The following WWOX variants were observed in gnomAD, a reference collection of about 807,000 sequenced individuals.
WWOX encodes WW domain-containing oxidoreductase.
Under a neutral mutation model 46.2 loss-of-function variants are expected in WWOX, and 69 were observed. That is an observed-to-expected ratio of 1.49 (90% CI 1.23 to 1.82). WWOX has a LOEUF of 1.82. Ranked by LOEUF, WWOX falls within the 40% of genes most tolerant of loss-of-function variation. The pLI, the probability that WWOX is intolerant of heterozygous loss-of-function variation, is 0.00. For synonymous variants in WWOX, 359 were observed against 202.6 expected, an observed-to-expected ratio of 1.77 and a Z score of -6.56; for missense variants, 919 against 542.6, an observed-to-expected ratio of 1.69 and a Z score of -6.89.
chr16:78,278,999 T>A (rs1338338794), intron 5 of WWOX, among the ~76,000 whole-genome samples: 1 of 152,208 alleles, frequency 6.6e-6, no homozygotes, highest in East Asian at 1.9e-4. Flanking sequence ...TGAGGGATGC[T>A]AGCTCGTTAC....
intron 8 of WWOX, among the ~76,000 whole-genome samples, chr16:78,903,869 A>G (rs1412115341): frequency 6.6e-6 from 1 of 152,222 alleles, no homozygotes; most frequent in African/African-American, 2.4e-5. Context: ...ACTCTGTGGC[A>G]GGGGACTGTT....
chr16:78,241,285 TG>T (rs2037637579), intron 5 of WWOX: 1 of 124,334 alleles, frequency 8.0e-6, no homozygotes, highest in African/African-American at 3.8e-5. Flanking sequence ...TTATCATTTG[TG>T]TTTTTTTTTC....
chr16:78,401,356 C>G (rs2082408652), intron 6 of WWOX, among the ~76,000 whole-genome samples: 1 of 152,098 alleles, frequency 6.6e-6, no homozygotes, highest in African/African-American at 2.4e-5. Flanking sequence ...AGCTAAAATT[C>G]AGATATTGAG....
At chr16:78,419,504 A>G (rs2151955357) in intron 6 of WWOX, among the ~76,000 whole-genome samples, 1 of 152,160 alleles carries the variant, frequency 6.6e-6, no homozygotes, top group Admixed American at 6.5e-5. Flanking sequence ...ATTGATTTTC[A>G]GCAAGGATGC....
chr16:78,391,861 C>G (rs1325441159), intron 6 of WWOX, among the ~76,000 whole-genome samples: 1 of 152,066 alleles, frequency 6.6e-6, no homozygotes, highest in Non-Finnish European at 1.5e-5. Context: ...AATTTAGTGG[C>G]TAAAAAACAA....
intron 8 of WWOX, among the ~76,000 whole-genome samples, chr16:78,664,711 C>T (rs1426901962): frequency 6.6e-6 from 1 of 152,114 alleles, no homozygotes; most frequent in African/African-American, 2.4e-5. Context: ...TCTGTGTGCC[C>T]ATCCATTATG....
chr16:78,509,309 CAGCACCTGTAGTCCT>C (rs2085297725), intron 8 of WWOX, among the ~76,000 whole-genome samples: 1 of 152,088 alleles, frequency 6.6e-6, no homozygotes, highest in Non-Finnish European at 1.5e-5. Flanking sequence ...GCGTGATGGC[CAGCACCTGTAGTCCT>C]AGCTACTTAG....
intron 8 of WWOX, among the ~76,000 whole-genome samples, chr16:78,529,441 T>C (rs1368206567): frequency 6.6e-6 from 1 of 151,972 alleles, no homozygotes; most frequent in Non-Finnish European, 1.5e-5. Context: ...CGTGGGCTCT[T>C]TCTGGACCTC....
chr16:78,810,965 A>G (rs558258683), intron 8 of WWOX, among the ~76,000 whole-genome samples: 1 of 75,616 alleles, frequency 1.3e-5, no homozygotes, highest in East Asian at 3.3e-4. Context: ...CGTGGCCAGA[A>G]GCATATTTGG....
intron 8 of WWOX, among the ~76,000 whole-genome samples, chr16:78,630,005 C>A (rs1237419867): frequency 6.6e-6 from 1 of 152,168 alleles, no homozygotes; most frequent in South Asian, 2.1e-4. Context: ...TCCCTGCCTT[C>A]TTTTTTTCTC....
intron 8 of WWOX, among the ~76,000 whole-genome samples, chr16:78,446,271 G>C (rs570313998): frequency 6.6e-6 from 1 of 152,284 alleles, no homozygotes; most frequent in East Asian, 1.9e-4. Context: ...TCTTAGAGAG[G>C]AAGTATGGAA....
intron 8 of WWOX, among the ~76,000 whole-genome samples, chr16:78,924,572 G>C (rs77463843): frequency 7.9e-5 from 12 of 152,252 alleles, no homozygotes; most frequent in African/African-American, 2.9e-4. Context: ...ACTGTTGTTA[G>C]GAGGATAAGA....
chr16:78,648,222 C>G (rs180677384), intron 8 of WWOX, among the ~76,000 whole-genome samples: 106 of 152,250 alleles, frequency 7.0e-4, no homozygotes, highest in Middle Eastern at 3.4e-3. Context: ...CTCTCTAATT[C>G]ATGCATATCC....
At chr16:78,414,535 C>G (rs1272048191) in intron 6 of WWOX, among the ~76,000 whole-genome samples, 1 of 152,170 alleles carries the variant, frequency 6.6e-6, no homozygotes, top group Non-Finnish European at 1.5e-5. Context: ...CCACTGCACT[C>G]CAGCCTGCAA....
At chr16:78,455,815 A>C (rs1302835665) in intron 8 of WWOX, among the ~76,000 whole-genome samples, 1 of 151,482 alleles carries the variant, frequency 6.6e-6, no homozygotes, top group Non-Finnish European at 1.5e-5. Flanking sequence ...AAGGCCACCA[A>C]GGACCTCATG....
chr16:78,675,544 G>A (rs2047576083), intron 8 of WWOX, among the ~76,000 whole-genome samples: 1 of 152,086 alleles, frequency 6.6e-6, no homozygotes. Context: ...TATTTATTTT[G>A]AGAGCAAGCA....
rs150492299 is a variant in WWOX, at chr16:79,030,158, A to G, written c.1057-181450A>G. 2.3e-3 allele frequency among the ~76,000 whole-genome samples: 347 copies of G among 152,356 alleles called. 14 individuals carry two copies. In the East Asian group the frequency reaches 0.047, roughly 20 times the overall value. On this transcript the variant is annotated intron_variant, in intron 8 of 8. Coordinates refer to ENST00000566780, the MANE Select transcript of WWOX (RefSeq NM_016373.4). Reference sequence around the variant, plus strand: ...ATTTTATGAATAAGTAATGAAGTCTAATTTTCCGTTATCATAGCCATTGGT... The same window carrying G: ...ATTTTATGAATAAGTAATGAAGTCTGATTTTCCGTTATCATAGCCATTGGT...
chr16:78,706,903 T>G (rs1228569760), intron 8 of WWOX, among the ~76,000 whole-genome samples: 1 of 152,150 alleles, frequency 6.6e-6, no homozygotes. Flanking sequence ...GCCCAAGCAG[T>G]GTTCCCGCCT....
chr16:78,272,261 C>T (rs1326720225), intron 5 of WWOX, among the ~76,000 whole-genome samples: 1 of 152,078 alleles, frequency 6.6e-6, no homozygotes, highest in Non-Finnish European at 1.5e-5. Flanking sequence ...AGGATGGTCA[C>T]CCATGGGTCT....
Sources: gnomAD v4.1 joint callset for allele counts (sites outside exome capture counted in the v4.1 genomes callset) on GRCh38, gnomAD v4.1.1 for gene constraint, MANE v1.5 for transcripts, NCBI Gene and HGNC (gene_info 2026-07-23, HGNC 2026-07-21) for gene names.